The following TNS3 variants were observed in gnomAD, a reference collection of about 807,000 sequenced individuals.
TNS3 encodes tensin 3.
TNS3 carries 45 observed loss-of-function variants against 140.9 expected under a neutral mutation model. The ratio of observed to expected loss-of-function variants is 0.32; its 90% CI spans 0.25 to 0.41. The LOEUF is 0.41. TNS3 is among the 10% of genes least tolerant of loss of function. The probability of loss-of-function intolerance (pLI) is 1.00; values close to 1 mark genes in which losing one functional copy is unlikely to be tolerated. For missense variants in TNS3, 1,716 were observed against 1,906.7 expected (o/e 0.90, Z 1.86); for synonymous variants, 815 against 788.4 (o/e 1.03, Z -0.56).
At chr7:47,396,366 A>G (rs141301746) in intron 16 of TNS3, among the ~76,000 whole-genome samples, 99 of 152,362 alleles carry the variant, frequency 6.5e-4, no homozygotes, top group African/African-American at 2.4e-3. Flanking sequence ...CAGGAACACT[A>G]GACTAACAAG....
chr7:47,530,838 A>ATATATATATATATATATATATAT (rs1554350246), intron 1 of TNS3, among the ~76,000 whole-genome samples: 12 of 54,550 alleles, frequency 2.2e-4, no homozygotes, highest in Non-Finnish European at 3.6e-4. Context: ...AAAAAAAAAA[A>ATATATATATATATATATATATAT]ATATATATAT....
chr7:47,401,085 A>C (rs765593239), intron 13 of TNS3, among the ~76,000 whole-genome samples, 171 bp from the exon 14 acceptor site: 2 of 152,222 alleles, frequency 1.3e-5, no homozygotes, highest in Non-Finnish European at 2.9e-5. Flanking sequence ...GCCTGCAGAC[A>C]GCTGGGGTGC....
At chr7:47,310,015 C>T (rs1001094054) in intron 20 of TNS3, among the ~76,000 whole-genome samples, 4 of 152,168 alleles carry the variant, frequency 2.6e-5, no homozygotes, top group Admixed American at 6.5e-5. Flanking sequence ...GACATGGACC[C>T]GTTTGGAAGC....
At position 47,296,029 on chromosome 7, in the gene TNS3, C is replaced by T. The variant is rs138225733; in HGVS notation, c.3676+1053G>A. 7.7e-4 allele frequency among the ~76,000 whole-genome samples: 117 copies of T among 152,242 alleles called. No homozygotes were observed. In the East Asian group the frequency reaches 9.3e-3, roughly 12 times the overall value. On this transcript the variant is annotated intron_variant, in intron 24 of 30. Transcript: ENST00000311160. ...TCAAGCTGTCCTTACTGGGAACCAA[C>T]GACCTGCAATGTCCCCTCAGTCCAC...
At chr7:47,367,443 G>C (rs1790770392) in intron 17 of TNS3, among the ~76,000 whole-genome samples, 1 of 152,226 alleles carries the variant, frequency 6.6e-6, no homozygotes, top group South Asian at 2.1e-4. Flanking sequence ...GCAGCTTGAA[G>C]ATAGTGCTGC....
intron 10 of TNS3, among the ~76,000 whole-genome samples, chr7:47,415,523 C>T (rs1584608046): frequency 1.3e-5 from 2 of 152,252 alleles, no homozygotes; most frequent in African/African-American, 4.8e-5. Context: ...CAGGCCATCA[C>T]AATCCCCACT....
intron 2 of TNS3, among the ~76,000 whole-genome samples, chr7:47,520,231 G>A (rs1051675836): frequency 2.0e-5 from 3 of 152,206 alleles, no homozygotes; most frequent in Non-Finnish European, 4.4e-5. Context: ...CTTCGAGGAT[G>A]TGGAATCAGA....
At chr7:47,431,990 C>T (rs540389089) in intron 8 of TNS3, among the ~76,000 whole-genome samples, 7 of 152,212 alleles carry the variant, frequency 4.6e-5, no homozygotes, top group Admixed American at 1.3e-4. Context: ...AAAATCCGAA[C>T]AAAACAATAA....
At chr7:47,451,828 T>C (rs1796029582) in intron 4 of TNS3, among the ~76,000 whole-genome samples, 1 of 152,198 alleles carries the variant, frequency 6.6e-6, no homozygotes, top group African/African-American at 2.4e-5. Flanking sequence ...AGCTGGCAAA[T>C]TTCAAGGCAT....
Position 47,437,327 on chromosome 7 carries a change from GA to G in TNS3, c.151-15del. 1.5e-6 allele frequency: 2 copies of G among 1,346,920 alleles called. No individual in the cohort carries two copies. The highest frequency in any genetic ancestry group is 1.9e-6 in the Non-Finnish European group (2 of 1,032,862). 83.4% of individuals were successfully genotyped at this position (1,346,920 alleles called of 1,614,324 possible). ...AAGGTTTAATACCTATAAAAGAGAG[GA>G]AAAATTGCCTTGCATAAAATAGATT... On this transcript the variant is annotated splice_polypyrimidine_tract_variant and intron_variant, in intron 6 of 30. Transcript: ENST00000311160.
At chr7:47,467,807 G>C (rs900433059) in intron 4 of TNS3, among the ~76,000 whole-genome samples, 1 of 152,146 alleles carries the variant, frequency 6.6e-6, no homozygotes. Flanking sequence ...ATAACAGGAG[G>C]GGCCTGAGCC....
At chr7:47,408,827 A>G (rs1238965746) in intron 13 of TNS3, among the ~76,000 whole-genome samples, 1 of 151,970 alleles carries the variant, frequency 6.6e-6, no homozygotes, top group East Asian at 1.9e-4. Flanking sequence ...TTTGTATAAT[A>G]ACACCCCTTC....
chr7:47,414,013 A>G lies in TNS3; in HGVS notation c.587-16T>C. On this transcript the variant is annotated splice_polypyrimidine_tract_variant and intron_variant, in intron 11 of 30. Coordinates refer to ENST00000311160, the MANE Select transcript of TNS3 (RefSeq NM_022748.12). ...GGCCGGCACACTGAAAGAAAGGCAC[A>G]ACTGTCTGTAGAGGCATGACCGGTA... 1 of 1,613,896 alleles carries G rather than the reference A, an allele frequency of 6.2e-7. No homozygotes were observed. Among genetic ancestry groups the G allele is most frequent in the Non-Finnish European group, 8.5e-7 (1 of 1,179,906 alleles).
intron 20 of TNS3, among the ~76,000 whole-genome samples, chr7:47,320,441 A>G (rs933076365): frequency 6.6e-6 from 1 of 152,216 alleles, no homozygotes; most frequent in Non-Finnish European, 1.5e-5. Flanking sequence ...TTGGGCTGCT[A>G]TAAAAAATAC....
chr7:47,348,384 T>TG (rs1180992264), intron 17 of TNS3, among the ~76,000 whole-genome samples: 1 of 152,224 alleles, frequency 6.6e-6, no homozygotes, highest in Non-Finnish European at 1.5e-5. Context: ...GGAGCTCCGC[T>TG]GCCCTGTACT....
intron 2 of TNS3, among the ~76,000 whole-genome samples, chr7:47,521,840 TAC>T (rs1798990623): frequency 6.6e-6 from 1 of 152,082 alleles, no homozygotes; most frequent in African/African-American, 2.4e-5. Flanking sequence ...CTGGATGGTT[TAC>T]AGTTTCCCAG....
intron 3 of TNS3, among the ~76,000 whole-genome samples, chr7:47,488,644 T>C (rs570879943): frequency 6.6e-6 from 1 of 152,332 alleles, no homozygotes; most frequent in African/African-American, 2.4e-5. Context: ...TGCCATACTC[T>C]GGGGTCCTGG....
At chr7:47,398,622 TC>T (rs1249577735) in intron 15 of TNS3, among the ~76,000 whole-genome samples, 1 of 152,120 alleles carries the variant, frequency 6.6e-6, no homozygotes, top group Admixed American at 6.5e-5. Context: ...AAATCTAGCA[TC>T]CCTTTATGAT....
At chr7:47,378,447 G>A (rs564166124) in intron 16 of TNS3, among the ~76,000 whole-genome samples, 1 of 152,132 alleles carries the variant, frequency 6.6e-6, no homozygotes, top group Non-Finnish European at 1.5e-5. Flanking sequence ...ATTGTCCCAG[G>A]CACCAACTTT....
Sources: gnomAD v4.1 joint callset for allele counts (sites outside exome capture counted in the v4.1 genomes callset) on GRCh38, gnomAD v4.1.1 for gene constraint, MANE v1.5 for transcripts, NCBI Gene and HGNC (gene_info 2026-07-23, HGNC 2026-07-21) for gene names.